Variants in COL5A2 observed in about 807,000 individuals in gnomAD.
COL5A2 encodes collagen alpha-2(V) chain.
A neutral mutation model predicts 208.2 loss-of-function variants in COL5A2; 23 were observed. That is an observed-to-expected ratio of 0.11 (90% CI 0.08 to 0.16). The LOEUF is 0.16. Ranked by LOEUF, COL5A2 falls within the 10% of genes least tolerant of loss-of-function variation. The pLI, the probability that COL5A2 is intolerant of heterozygous loss-of-function variation, is 1.00. For missense variants in COL5A2, 1,590 were observed against 1,956.4 expected, an observed-to-expected ratio of 0.81 and a Z score of 3.53; for synonymous variants, 625 against 628.5, an observed-to-expected ratio of 0.99 and a Z score of 0.08.
intron 1 of COL5A2, among the ~76,000 whole-genome samples, chr2:189,209,755 C>T (rs939325768): frequency 6.6e-6 from 1 of 152,182 alleles, no homozygotes; most frequent in African/African-American, 2.4e-5. Context: ...GATGATGAAG[C>T]TTTTAACTGC....
At chr2:189,385,472 G>A in the COL5A2 span, among the ~76,000 whole-genome samples, 1 of 151,958 alleles carries the variant, frequency 6.6e-6, no homozygotes, top group African/African-American at 2.4e-5. Flanking sequence ...GAAACCAGAG[G>A]CAGCACAAAT....
intron 1 of COL5A2, among the ~76,000 whole-genome samples, chr2:189,113,624 A>G (rs1269128036): frequency 1.3e-5 from 2 of 148,864 alleles, no homozygotes; most frequent in Admixed American, 1.3e-4. Context: ...TATAATTTTA[A>G]TTATATAATA....
chr2:189,092,882 A>T (rs1179477075), intron 6 of COL5A2, among the ~76,000 whole-genome samples: 1 of 152,122 alleles, frequency 6.6e-6, no homozygotes, highest in East Asian at 1.9e-4. Flanking sequence ...GAATCCCTTG[A>T]TTGGAGTTTG....
chr2:189,057,260 T>C lies in COL5A2; in HGVS notation c.2337+60A>G, dbSNP rs533220616. On this transcript the variant is annotated intron_variant, in intron 34 of 53. Transcript: ENST00000374866. ...AAAGCCTGCTCAAGAAATCATTTCATTTTCAGCAGAAAGTCTGAATAAATG... is the reference window on the plus strand; with the variant it reads ...AAAGCCTGCTCAAGAAATCATTTCACTTTCAGCAGAAAGTCTGAATAAATG... 1.4e-5 allele frequency: 18 copies of C among 1,248,562 alleles called. No individual in the cohort carries two copies. In the African/African-American group the frequency reaches 1.8e-4, roughly 13 times the overall value. 77.3% of individuals were successfully genotyped at this position (1,248,562 alleles called of 1,614,324 possible). A position where few individuals can be genotyped will look rare whatever the true frequency, so the allele number is the denominator to read the frequency against.
the COL5A2 span, among the ~76,000 whole-genome samples, chr2:189,256,964 T>A: frequency 6.6e-6 from 1 of 152,238 alleles, no homozygotes; most frequent in Non-Finnish European, 1.5e-5. Context: ...TAGTATTCCC[T>A]TTTTGGATGC....
the COL5A2 span, among the ~76,000 whole-genome samples, chr2:189,263,569 G>C: frequency 2.0e-5 from 3 of 152,102 alleles, no homozygotes; most frequent in Non-Finnish European, 2.9e-5. Context: ...AAAGTGTAGA[G>C]TAATGCCCTA....
intron 1 of COL5A2, among the ~76,000 whole-genome samples, chr2:189,113,769 C>T (rs1687331373): frequency 6.7e-6 from 1 of 149,812 alleles, no homozygotes; most frequent in Non-Finnish European, 1.5e-5. Flanking sequence ...GATATATATG[C>T]TGATGGGATA....
At chr2:189,370,308 T>C in the COL5A2 span, among the ~76,000 whole-genome samples, 16 of 152,252 alleles carry the variant, frequency 1.1e-4, no homozygotes, top group African/African-American at 3.9e-4. Flanking sequence ...ATTCCCCTCA[T>C]CTGCAGAACA....
upstream of COL5A2, among the ~76,000 whole-genome samples, chr2:189,226,724 C>G (rs961722798): frequency 6.6e-6 from 1 of 152,020 alleles, no homozygotes; most frequent in Non-Finnish European, 1.5e-5. Context: ...GTATCGCAGA[C>G]AGAGGCCTCC....
chr2:189,354,043 T>C, the COL5A2 span, among the ~76,000 whole-genome samples: 4 of 149,440 alleles, frequency 2.7e-5, no homozygotes, highest in Non-Finnish European at 4.5e-5. Context: ...TTGAGATAGA[T>C]GTTTTTGTCA....
intron 12 of COL5A2, 124 bp downstream of exon 12, chr2:189,083,860 G>T (rs1318779602): frequency 1.3e-6 from 1 of 767,528 alleles, no homozygotes. Flanking sequence ...CATTTTTACG[G>T]AAACAAACAA....
intron 26 of COL5A2, 78 bp from the exon 27 acceptor site, chr2:189,063,348 CT>C: frequency 8.7e-7 from 1 of 1,147,320 alleles, no homozygotes; most frequent in Non-Finnish European, 1.3e-6. Context: ...GTCACCTTTG[CT>C]TACTATCATG....
intron 1 of COL5A2, among the ~76,000 whole-genome samples, chr2:189,197,675 CA>C (rs201395258): frequency 2.7e-4 from 38 of 142,134 alleles, no homozygotes; most frequent in East Asian, 8.1e-4. Context: ...ATTCAAATGA[CA>C]AAAAAAAAAG....
At chr2:189,179,475 A>G (rs750263058) in intron 1 of COL5A2, 33 bp downstream of exon 1, 4 of 1,603,330 alleles carry the variant, frequency 2.5e-6, no homozygotes, top group Non-Finnish European at 3.4e-6. Context: ...ACCGTGCAAT[A>G]AACACTACAA....
chr2:189,432,771 A>G, the COL5A2 span, among the ~76,000 whole-genome samples: 2 of 152,320 alleles, frequency 1.3e-5, no homozygotes, highest in South Asian at 2.1e-4. Context: ...AGACAGATCA[A>G]TGAGACAGAA....
upstream of COL5A2, chr2:189,179,932 C>T: frequency 1.9e-6 from 1 of 517,020 alleles, no homozygotes. Flanking sequence ...CCTGAACTTT[C>T]CCTATTTCAT....
At chr2:189,217,977 C>T (rs547884429) in intron 1 of COL5A2, among the ~76,000 whole-genome samples, 2 of 152,158 alleles carry the variant, frequency 1.3e-5, no homozygotes, top group Non-Finnish European at 2.9e-5. Flanking sequence ...TTTTCATCCA[C>T]GAAACAGCAT....
At chr2:189,118,055 A>G (rs184527216) in intron 1 of COL5A2, among the ~76,000 whole-genome samples, 1 of 152,198 alleles carries the variant, frequency 6.6e-6, no homozygotes, top group East Asian at 1.9e-4. Flanking sequence ...TAAGAATACC[A>G]AGTAAGAGAT....
chr2:189,426,153 G>A, the COL5A2 span, among the ~76,000 whole-genome samples: 1 of 152,146 alleles, frequency 6.6e-6, no homozygotes, highest in Non-Finnish European at 1.5e-5. Flanking sequence ...GGGAAAGTTT[G>A]GAACTTCCTA....
Sources: gnomAD v4.1 joint callset for allele counts (sites outside exome capture counted in the v4.1 genomes callset) on GRCh38, gnomAD v4.1.1 for gene constraint, MANE v1.5 for transcripts, NCBI Gene and HGNC (gene_info 2026-07-23, HGNC 2026-07-21) for gene names.